Variants in LNX1 observed in about 807,000 individuals in gnomAD.
LNX1 encodes the protein E3 ubiquitin-protein ligase LNX.
LNX1 carries 54 observed loss-of-function variants against 68.4 expected under a neutral mutation model. The observed-to-expected ratio is 0.79, with a 90% confidence interval of 0.63 to 0.99. The LOEUF (loss-of-function observed/expected upper bound fraction) is 0.99, where lower values mean the gene tolerates loss of function less well. Among genes scored for constraint, LNX1 ranks in the 50% least tolerant of loss-of-function variants. LNX1 has a pLI of 0.00. For synonymous variants in LNX1, 336 were observed against 350.0 expected (o/e 0.96, Z 0.45); for missense variants, 906 against 926.4 (o/e 0.98, Z 0.29).
intron 1 of LNX1, chr4:53,576,275 A>G: frequency 1.2e-6 from 2 of 1,612,126 alleles, no homozygotes; most frequent in Non-Finnish European, 8.5e-7. Context: ...GGGTTAGCAT[A>G]CCGCTTCGAG....
At chr4:53,582,572 A>G (rs1731902662) in intron 1 of LNX1, among the ~76,000 whole-genome samples, 1 of 152,198 alleles carries the variant, frequency 6.6e-6, no homozygotes, top group Non-Finnish European at 1.5e-5. Context: ...TGCACATTTA[A>G]AAGTTATTCA....
intron 9 of LNX1, among the ~76,000 whole-genome samples, chr4:53,475,958 C>T (rs568282981): frequency 6.6e-6 from 1 of 152,248 alleles, no homozygotes; most frequent in Non-Finnish European, 1.5e-5. Flanking sequence ...TTAGCAAAGG[C>T]GAAGTGCTCT....
chr4:53,476,516 C>T (rs1723570019), intron 9 of LNX1, among the ~76,000 whole-genome samples: 1 of 152,148 alleles, frequency 6.6e-6, no homozygotes, highest in Non-Finnish European at 1.5e-5. Context: ...CCTGTGAGCT[C>T]CTCAACCTGA....
chr4:53,494,915 T>C (rs1724943538), intron 6 of LNX1, among the ~76,000 whole-genome samples: 1 of 152,234 alleles, frequency 6.6e-6, no homozygotes, highest in African/African-American at 2.4e-5. Context: ...AGTCCGTATA[T>C]GATTTCATTT....
intron 1 of LNX1, among the ~76,000 whole-genome samples, chr4:53,646,919 C>T (rs943715262): frequency 1.3e-5 from 2 of 152,160 alleles, no homozygotes; most frequent in Non-Finnish European, 2.9e-5. Context: ...CCCCTTTGCC[C>T]GGGAGTTGAA....
intron 7 of LNX1, among the ~76,000 whole-genome samples, chr4:53,479,459 A>G (rs1443633608): frequency 6.6e-6 from 1 of 152,168 alleles, no homozygotes; most frequent in Non-Finnish European, 1.5e-5. Context: ...TACCACAAAT[A>G]TGGCATGTGT....
chr4:53,650,681 C>T (rs1735064386), intron 1 of LNX1, among the ~76,000 whole-genome samples: 2 of 152,078 alleles, frequency 1.3e-5, no homozygotes, highest in Admixed American at 1.3e-4. Flanking sequence ...CATATAGGGC[C>T]TCTGCTGTGA....
chr4:53,626,395 G>A (rs1437483631), intron 1 of LNX1, among the ~76,000 whole-genome samples: 1 of 152,130 alleles, frequency 6.6e-6, no homozygotes, highest in East Asian at 1.9e-4. Flanking sequence ...TAAATTTTAG[G>A]TATGTGAATT....
At chr4:53,472,911 A>T (rs1219111407) in intron 9 of LNX1, among the ~76,000 whole-genome samples, 1 of 152,112 alleles carries the variant, frequency 6.6e-6, no homozygotes, top group East Asian at 1.9e-4. Flanking sequence ...TAACCCTACC[A>T]GTAAGAAGAG....
At position 53,461,441 on chromosome 4, in the gene LNX1, C is replaced by G; in HGVS notation, c.2045G>C (p.Arg682Thr). The G allele has an allele frequency of 6.2e-7, 1 of 1,604,878 alleles. No homozygotes were observed. Among genetic ancestry groups the G allele is most frequent in the Non-Finnish European group, 8.5e-7 (1 of 1,175,350 alleles). ...VEGTPAYNDG[R>T]IRCGDILLAV... ...GATTAGTCATTATTATTACCTAATT[C>G]TTCCATCATTGTATGCTGGTGTTCC... The change falls in exon 10 of 11, where the codon AGA (arginine) becomes ACA (threonine). Residue 682 changes from arginine to threonine, a missense_variant. By Grantham distance (71) the Arg-to-Thr change is moderately conservative (BLOSUM62 -1). Transcript: ENST00000263925.
chr4:53,629,374 T>C (rs1379227202), intron 1 of LNX1, among the ~76,000 whole-genome samples: 2 of 152,066 alleles, frequency 1.3e-5, no homozygotes, highest in Non-Finnish European at 2.9e-5. Context: ...AGGTTTAGGC[T>C]GACTCTGGCA....
rs767436287 is a variant in LNX1, at chr4:53,460,105, ACT to A, written c.*800_*801del. 2 of 199,652 alleles carry A rather than the reference ACT, an allele frequency of 1.0e-5. No individual in the cohort carries two copies. Among genetic ancestry groups the A allele is most frequent in the South Asian group, 1.9e-4 (1 of 5,256 alleles). 12.4% of individuals were successfully genotyped at this position (199,652 alleles called of 1,614,324 possible). A position where few individuals can be genotyped will look rare whatever the true frequency, so the allele number is the denominator to read the frequency against. On this transcript the variant is annotated 3_prime_UTR_variant, in exon 11 of 11. Coordinates refer to ENST00000263925, the MANE Select transcript of LNX1 (RefSeq NM_001126328.3). The stretch of plus-strand genomic sequence containing the variant: ...GTTTCTAGGAGGCATGTGTACACAC[ACT>A]CTTCATTGTGGCACAAATTTAAATC...
chr4:53,568,869 C>G (rs1730924259), intron 2 of LNX1, among the ~76,000 whole-genome samples: 1 of 152,200 alleles, frequency 6.6e-6, no homozygotes, highest in African/African-American at 2.4e-5. Flanking sequence ...ACACCAATAA[C>G]AGACAAACAG....
intron 1 of LNX1, chr4:53,576,529 T>G: frequency 9.7e-7 from 1 of 1,034,306 alleles, no homozygotes; most frequent in African/African-American, 1.6e-5. Context: ...AGATCTTGTA[T>G]TTTAGGTTGG....
At chr4:53,477,803 C>T (rs1314071323) in intron 8 of LNX1, among the ~76,000 whole-genome samples, 2 of 152,188 alleles carry the variant, frequency 1.3e-5, no homozygotes, top group Non-Finnish European at 2.9e-5. Flanking sequence ...AGAGAAAGGC[C>T]TTGAGTCCTT....
rs1307381190 is a variant in LNX1, at chr4:53,476,906, C to A, written c.1739G>T (p.Arg580Ile). The change falls in exon 9 of 11, where the codon AGA becomes ATA. Residue 580 changes from arginine (R) to isoleucine (I), a missense_variant. Transcript: ENST00000263925. ...TTTGAGTACTATCGAGGATGATGTTCTTTTCAATAATGCCACTGCCTCACT... is the reference window on the plus strand; with the variant it reads ...TTTGAGTACTATCGAGGATGATGTTATTTTCAATAATGCCACTGCCTCACT... ...SRSEAVALLK[R>I]TSSSIVLKAL... is the part of the protein sequence containing the mutation. 6.2e-7 allele frequency: 1 copy of A among 1,614,082 alleles called. No homozygotes were observed. Among genetic ancestry groups the A allele is most frequent in the East Asian group, 2.2e-5 (1 of 44,892 alleles).
At chr4:53,466,009 G>C (rs9996049) in intron 9 of LNX1, among the ~76,000 whole-genome samples, 19,794 of 152,012 alleles carry the variant, frequency 0.13, 2,561 homozygotes, top group African/African-American at 0.32. Flanking sequence ...AAATTATTTT[G>C]GCTTTTTGTT....
At chr4:53,626,396 T>A (rs1179845173) in intron 1 of LNX1, among the ~76,000 whole-genome samples, 1 of 152,188 alleles carries the variant, frequency 6.6e-6, no homozygotes, top group Non-Finnish European at 1.5e-5. Flanking sequence ...AAATTTTAGG[T>A]ATGTGAATTA....
chr4:53,576,821 T>G (rs950972612), intron 1 of LNX1, among the ~76,000 whole-genome samples: 5 of 152,194 alleles, frequency 3.3e-5, no homozygotes, highest in African/African-American at 1.2e-4. Flanking sequence ...ATCTCTTTTC[T>G]TTTCCAAATA....
Sources: gnomAD v4.1 joint callset for allele counts (sites outside exome capture counted in the v4.1 genomes callset) on GRCh38, gnomAD v4.1.1 for gene constraint, MANE v1.5 for transcripts, NCBI Gene and HGNC (gene_info 2026-07-23, HGNC 2026-07-21) for gene names.